Variants in KCNQ1 observed in about 807,000 individuals in gnomAD.
KCNQ1 encodes the protein potassium voltage-gated channel subfamily Q member 1, also known as potassium voltage-gated channel subfamily KQT member 1.
Under a neutral mutation model 72.4 loss-of-function variants are expected in KCNQ1, and 49 were observed. The observed-to-expected ratio is 0.68, with a 90% CI of 0.54 to 0.86. The LOEUF is 0.86. Ranked by LOEUF, KCNQ1 falls within the 40% of genes least tolerant of loss-of-function variation. The pLI, the probability that KCNQ1 is intolerant of heterozygous loss-of-function variation, is 0.00. For missense variants in KCNQ1, 790 were observed against 945.1 expected (o/e 0.84, Z 2.15); for synonymous variants, 450 against 412.6 (o/e 1.09, Z -1.10).
intron 2 of KCNQ1, among the ~76,000 whole-genome samples, chr11:2,555,058 C>T (rs1848048494): frequency 6.6e-6 from 1 of 152,214 alleles, no homozygotes; most frequent in African/African-American, 2.4e-5. Context: ...GCAGGCCTTC[C>T]TGTCCCAACA....
chr11:2,669,984 A>G lies in KCNQ1; in HGVS notation c.1514+7903A>G, dbSNP rs182699152. The G allele has an allele frequency of 1.0e-5, 4 of 398,648 alleles. No individual in the cohort carries two copies. In the East Asian group the frequency reaches 1.4e-4, roughly 14 times the overall value. 24.7% of individuals were successfully genotyped at this position (398,648 alleles called of 1,614,324 possible). On this transcript the variant is annotated intron_variant, in intron 11 of 15. Transcript: ENST00000155840. This position sits in a 1 kb window ranked among gnomAD's most constrained non-coding sequence, Gnocchi z 5.6. ...TAGAGGTCCCCAAGTCACAACCTCA[A>G]ATCTCGGAATGGGGTTCAGGAGCTG...
At chr11:2,531,692 C>T (rs561566443) in intron 2 of KCNQ1, among the ~76,000 whole-genome samples, 1 of 152,312 alleles carries the variant, frequency 6.6e-6, no homozygotes, top group African/African-American at 2.4e-5. Flanking sequence ...AAGCATAGAG[C>T]CCCCTTTCTG....
intron 10 of KCNQ1, among the ~76,000 whole-genome samples, chr11:2,591,766 A>G (rs2133765396): frequency 6.6e-6 from 1 of 152,366 alleles, no homozygotes; most frequent in Middle Eastern, 3.4e-3. Context: ...TCCACGGAGA[A>G]GATTTCTCTT....
At chr11:2,557,636 T>G (rs751399867) in intron 2 of KCNQ1, among the ~76,000 whole-genome samples, 4 of 152,184 alleles carry the variant, frequency 2.6e-5, no homozygotes, top group Non-Finnish European at 4.4e-5. Context: ...TCCACAGCAT[T>G]GCATCTACAT....
chr11:2,542,007 G>T (rs1245520477), intron 2 of KCNQ1, among the ~76,000 whole-genome samples: 9 of 152,172 alleles, frequency 5.9e-5, no homozygotes, highest in Non-Finnish European at 1.3e-4. Flanking sequence ...GGCTGTCGCC[G>T]TGCCTGCTGT....
intron 2 of KCNQ1, among the ~76,000 whole-genome samples, chr11:2,539,113 C>T (rs893850017): frequency 5.3e-5 from 8 of 152,140 alleles, no homozygotes; most frequent in African/African-American, 1.7e-4. Context: ...GATGATGTCC[C>T]GTCGGCAGCC....
intron 11 of KCNQ1, among the ~76,000 whole-genome samples, chr11:2,739,052 T>G (rs1345148627): frequency 2.0e-5 from 3 of 152,210 alleles, no homozygotes; most frequent in Non-Finnish European, 2.9e-5. Context: ...GAAAAAGGAC[T>G]GACTTCTCTG....
rs539498104 is a variant in KCNQ1 at position 2,832,219 on chromosome 11, G to A, written c.1795-15548G>A. ...CCCTCAGGCACAGTGGGGGTTGCCC[G>A]GCATCTTGGCAGATGGGCAGCGTTA... is the stretch of plus-strand genomic sequence containing the variant. On this transcript the variant is annotated intron_variant, in intron 15 of 15. Coordinates refer to ENST00000155840, the MANE Select transcript of KCNQ1 (RefSeq NM_000218.3). Among the ~76,000 whole-genome samples, 14 of 152,324 alleles carry A rather than the reference G, an allele frequency of 9.2e-5. No individual in the cohort carries two copies. In the East Asian group the frequency reaches 1.4e-3, roughly 15 times the overall value.
chr11:2,464,914 A>G lies in KCNQ1; in HGVS notation c.386+19430A>G, dbSNP rs1039293781. Among the ~76,000 whole-genome samples the G allele has an allele frequency of 1.3e-5, 2 of 152,124 alleles. No individual in the cohort carries two copies. The highest frequency in any genetic ancestry group is 2.9e-5 in the Non-Finnish European group (2 of 68,004). ...GTCCTCCTGCCCGAGGAAGTAAGAC[A>G]GCAATCTCTGGGGTCCTGGGCACCA... is the stretch of plus-strand genomic sequence containing the variant. On this transcript the variant is annotated intron_variant, in intron 1 of 15. Coordinates refer to ENST00000155840, the MANE Select transcript of KCNQ1 (RefSeq NM_000218.3). This position sits in a 1 kb window ranked among gnomAD's most constrained non-coding sequence, Gnocchi z 5.0.
Position 2,564,591 on chromosome 11 carries a change from T to C in KCNQ1, c.478-6037T>C, listed in dbSNP as rs1848220060. ...GCCTGGGCAACAGAGCAAGACTCTA[T>C]CTCAAAATAAAATAAAATGGAAATA... is the stretch of plus-strand genomic sequence containing the variant. On this transcript the variant is annotated intron_variant, in intron 2 of 15. Coordinates refer to ENST00000155840, the MANE Select transcript of KCNQ1 (RefSeq NM_000218.3). The surrounding 1 kb of genome is among the most constrained non-coding windows in gnomAD (Gnocchi z 4.5). Among the ~76,000 whole-genome samples the C allele has an allele frequency of 6.6e-6, 1 of 152,184 alleles. No homozygotes were observed. Among genetic ancestry groups the C allele is most frequent in the Non-Finnish European group, 1.5e-5 (1 of 68,036 alleles).
chr11:2,651,570 C>T lies in KCNQ1; in HGVS notation c.1394-10391C>T. 1 of 398,628 alleles carries T rather than the reference C, an allele frequency of 2.5e-6. No homozygotes were observed. The highest frequency in any genetic ancestry group is 4.4e-6 in the Non-Finnish European group (1 of 226,082). 24.7% of individuals were successfully genotyped at this position (398,628 alleles called of 1,614,324 possible). A position where few individuals can be genotyped will look rare whatever the true frequency, so the allele number is the denominator to read the frequency against. On this transcript the variant is annotated intron_variant, in intron 10 of 15. Transcript: ENST00000155840. The surrounding 1 kb of genome is among the most constrained non-coding windows in gnomAD (Gnocchi z 6.1). ...AACATGGATATTGTGTTCTTTACCTCCATGTCTCCAGTGCCTGCCACATAG... is the reference window on the plus strand; with the variant it reads ...AACATGGATATTGTGTTCTTTACCTTCATGTCTCCAGTGCCTGCCACATAG...
chr11:2,805,900 A>G (rs1847362018), intron 15 of KCNQ1, among the ~76,000 whole-genome samples: 1 of 152,332 alleles, frequency 6.6e-6, no homozygotes, highest in South Asian at 2.1e-4. Flanking sequence ...CTCTCCCTAA[A>G]GAACAAATCA....
At position 2,655,746 on chromosome 11, in the gene KCNQ1, CAG is replaced by C. The variant is rs1849835719; in HGVS notation, c.1394-6214_1394-6213del. On this transcript the variant is annotated intron_variant, in intron 10 of 15. Transcript: ENST00000155840. ...ACCTGGCTACGACCACAGGTGAAAA[CAG>C]GGAAGAGGTGGCAGCTCTGGTCACT... is the stretch of plus-strand genomic sequence containing the variant. 7.7e-6 allele frequency: 3 copies of C among 387,168 alleles called. No homozygotes were observed. In the South Asian group the frequency reaches 3.9e-4, roughly 51 times the overall value. 24.0% of individuals were successfully genotyped at this position (387,168 alleles called of 1,614,324 possible).
intron 11 of KCNQ1, chr11:2,672,735 C>T (rs1389051147): frequency 2.5e-6 from 1 of 398,758 alleles, no homozygotes; most frequent in Non-Finnish European, 4.4e-6. Context: ...ACTCCAAGTT[C>T]TATGCTTTTT....
rs1163709731 is a variant in KCNQ1 at position 2,816,348 on chromosome 11, G to C, written c.1795-31419G>C. On this transcript the variant is annotated intron_variant, in intron 15 of 15. Coordinates refer to ENST00000155840, the MANE Select transcript of KCNQ1 (RefSeq NM_000218.3). This position sits in a 1 kb window ranked among gnomAD's most constrained non-coding sequence, Gnocchi z 6.8. ...TGGGGAGAGGGGCCTCCAGCGCCGT[G>C]GGGGAGAATTTCAAGAGCCTTTTGT... Among the ~76,000 whole-genome samples the C allele has an allele frequency of 1.3e-5, 2 of 152,216 alleles. No homozygotes were observed. Among genetic ancestry groups the C allele is most frequent in the Non-Finnish European group, 1.5e-5 (1 of 68,044 alleles).
Position 2,723,562 on chromosome 11 carries a change from T to C in KCNQ1, c.1515-45282T>C, listed in dbSNP as rs1394544443. On this transcript the variant is annotated intron_variant, in intron 11 of 15. Coordinates refer to ENST00000155840, the MANE Select transcript of KCNQ1 (RefSeq NM_000218.3). This position sits in a 1 kb window ranked among gnomAD's most constrained non-coding sequence, Gnocchi z 4.2. ...AGCAGTGGGCCTGGAGGCAGTGGCA[T>C]TTAGAGAGGACCCTGAAGTCCAAAG... is the stretch of plus-strand genomic sequence containing the variant. Among the ~76,000 whole-genome samples the C allele has an allele frequency of 1.3e-5, 2 of 152,144 alleles. No individual in the cohort carries two copies. Among genetic ancestry groups the C allele is most frequent in the Admixed American group, 1.3e-4 (2 of 15,284 alleles).
chr11:2,629,291 T>C, intron 10 of KCNQ1: 1 of 398,392 alleles, frequency 2.5e-6, no homozygotes. Flanking sequence ...GTTTTCAGTG[T>C]CTAGGTCTTT....
intron 14 of KCNQ1, 92 bp from the exon 15 acceptor site, chr11:2,777,884 C>G: frequency 1.9e-6 from 2 of 1,076,166 alleles, no homozygotes; most frequent in Non-Finnish European, 2.9e-6. Flanking sequence ...CAGCTACCTC[C>G]CCCAGCCCTA....
chr11:2,758,538 C>T (rs1342368565), intron 11 of KCNQ1, among the ~76,000 whole-genome samples: 1 of 152,178 alleles, frequency 6.6e-6, no homozygotes, highest in Non-Finnish European at 1.5e-5. Context: ...CACATCCCGG[C>T]AACTGAACTC....
Sources: gnomAD v4.1 joint callset for allele counts (sites outside exome capture counted in the v4.1 genomes callset) on GRCh38, gnomAD v4.1.1 for gene constraint, Gnocchi (gnomAD v3.1) non-coding constraint, MANE v1.5 for transcripts, NCBI Gene and HGNC (gene_info 2026-07-23, HGNC 2026-07-21) for gene names.